ELF1: variants seen among roughly 807,000 people sequenced by gnomAD.
The protein encoded by ELF1 is ETS-related transcription factor Elf-1.
A neutral mutation model predicts 59.9 loss-of-function variants in ELF1; 24 were observed. The ratio of observed to expected loss-of-function variants is 0.40; its 90% CI spans 0.29 to 0.56. The LOEUF is 0.56. Among genes scored for constraint, ELF1 ranks in the 20% least tolerant of loss-of-function variants. ELF1 has a pLI of 0.44. For missense variants in ELF1, 627 were observed against 742.2 expected, an observed-to-expected ratio of 0.84 and a Z score of 1.80; for synonymous variants, 248 against 266.2, an observed-to-expected ratio of 0.93 and a Z score of 0.67.
At chr13:40,999,594 G>A (rs1359608284) in intron 1 of ELF1, among the ~76,000 whole-genome samples, 4 of 152,114 alleles carry the variant, frequency 2.6e-5, no homozygotes, top group Admixed American at 1.3e-4. Context: ...GATGGTGGTC[G>A]ATGACTATAA....
At chr13:40,987,028 C>T (rs913393898) in intron 1 of ELF1, among the ~76,000 whole-genome samples, 8 of 148,922 alleles carry the variant, frequency 5.4e-5, no homozygotes, top group Admixed American at 2.0e-4. Context: ...CTCCGCCTCC[C>T]GGGTTCACGC....
chr13:40,963,920 A>G (rs1872012705), intron 2 of ELF1, among the ~76,000 whole-genome samples: 1 of 152,130 alleles, frequency 6.6e-6, no homozygotes, highest in South Asian at 2.1e-4. Context: ...AGAAAAAAAA[A>G]AAGAAAGACT....
At chr13:40,978,836 C>T (rs1290891234) in intron 2 of ELF1, among the ~76,000 whole-genome samples, 1 of 150,648 alleles carries the variant, frequency 6.6e-6, no homozygotes, top group African/African-American at 2.4e-5. Flanking sequence ...TTGGGAAATA[C>T]ACTATTAGTA....
chr13:41,008,813 T>C (rs1303441897), intron 1 of ELF1, among the ~76,000 whole-genome samples: 1 of 152,184 alleles, frequency 6.6e-6, no homozygotes, highest in African/African-American at 2.4e-5. Flanking sequence ...TTCTTCATAT[T>C]CTTCAACAAA....
intron 1 of ELF1, among the ~76,000 whole-genome samples, chr13:41,017,631 G>T (rs1284979732): frequency 6.6e-6 from 1 of 151,794 alleles, no homozygotes; most frequent in Admixed American, 6.6e-5. Context: ...TCTCTATCAC[G>T]TAAGAAAATA....
intron 3 of ELF1, among the ~76,000 whole-genome samples, chr13:40,953,850 G>C (rs1005103982): frequency 6.6e-6 from 1 of 152,184 alleles, no homozygotes; most frequent in African/African-American, 2.4e-5. Context: ...TAAGTTGGGA[G>C]GTAAGGCAAA....
At chr13:40,966,812 C>A (rs1376502556) in intron 2 of ELF1, among the ~76,000 whole-genome samples, 2 of 152,206 alleles carry the variant, frequency 1.3e-5, no homozygotes, top group Admixed American at 1.3e-4. Context: ...GAAATACCTA[C>A]AAAATATTTT....
chr13:41,014,993 G>A (rs770559975), intron 1 of ELF1, among the ~76,000 whole-genome samples: 3 of 151,870 alleles, frequency 2.0e-5, no homozygotes, highest in Non-Finnish European at 2.9e-5. Context: ...AGTCACCCCT[G>A]CCCTCCCCCC....
At chr13:40,970,215 T>G (rs1872442904) in intron 2 of ELF1, among the ~76,000 whole-genome samples, 1 of 152,146 alleles carries the variant, frequency 6.6e-6, no homozygotes. Flanking sequence ...AAAAGACAAA[T>G]TATCCTCTAG....
chr13:40,999,157 A>C (rs1016625259), intron 1 of ELF1, among the ~76,000 whole-genome samples: 3 of 152,250 alleles, frequency 2.0e-5, no homozygotes, highest in African/African-American at 7.2e-5. Flanking sequence ...AGCACTGTGG[A>C]AAATATAAAG....
At chr13:41,037,525 G>A (rs943092828) in intron 1 of ELF1, among the ~76,000 whole-genome samples, 5 of 152,180 alleles carry the variant, frequency 3.3e-5, no homozygotes, top group Middle Eastern at 3.2e-3. Context: ...GGCTGGGCAC[G>A]GTGGCTCATG....
rs1371327008 is a variant in ELF1 at position 41,053,279 on chromosome 13, G to A, written c.-229+7559C>T. ...TGAGGCATGAGAATTGCTTGAACCC[G>A]GGAGGCAGAGCTTGTAGTGAGCCGA... On this transcript the variant is annotated intron_variant, in intron 1 of 1. Transcript: ENST00000405737. Among the ~76,000 whole-genome samples the A allele has an allele frequency of 5.9e-5, 9 of 152,080 alleles. No homozygotes were observed. The South Asian group carries it at 6.2e-4, about 11-fold the overall frequency.
intron 2 of ELF1, among the ~76,000 whole-genome samples, chr13:40,962,488 G>C (rs1294418072): frequency 6.6e-6 from 1 of 151,820 alleles, no homozygotes; most frequent in Non-Finnish European, 1.5e-5. Flanking sequence ...TTCGAGATCA[G>C]CCTGGCCAAC....
chr13:40,979,357 AT>A (rs1233580562), intron 2 of ELF1, among the ~76,000 whole-genome samples: 6 of 152,192 alleles, frequency 3.9e-5, no homozygotes, highest in Non-Finnish European at 8.8e-5. Context: ...TATTATTTTC[AT>A]CCCCATTTTG....
rs552533025 is a variant in ELF1, at chr13:40,993,396, G to C, written c.-228-11114C>G. 2.6e-5 allele frequency: 21 copies of C among 817,834 alleles called. No individual in the cohort carries two copies. In the South Asian group the frequency reaches 2.9e-4, roughly 11 times the overall value. The allele number at this position is 817,834 out of a possible 1,614,324, so 50.7% of individuals were successfully genotyped here. On this transcript the variant is annotated intron_variant, in intron 1 of 8. Transcript: ENST00000239882. Reference sequence around the variant, plus strand: ...GTGGGCAGTGCACCGATGGGTCTGGGGGGAGCGGGGCTGGGCGGCTCTGTC... The same window carrying C: ...GTGGGCAGTGCACCGATGGGTCTGGCGGGAGCGGGGCTGGGCGGCTCTGTC...
At chr13:40,980,482 A>G (rs913234487) in intron 2 of ELF1, among the ~76,000 whole-genome samples, 1 of 152,226 alleles carries the variant, frequency 6.6e-6, no homozygotes, top group Non-Finnish European at 1.5e-5. Context: ...AGTATATCAT[A>G]CATAGTAAGT....
chr13:41,016,095 A>T (rs1039579529), intron 1 of ELF1, among the ~76,000 whole-genome samples: 1 of 152,142 alleles, frequency 6.6e-6, no homozygotes, highest in Admixed American at 6.5e-5. Flanking sequence ...GGCAATCTGA[A>T]TCTGAATTTA....
chr13:41,001,588 G>C (rs1272934656), intron 1 of ELF1, among the ~76,000 whole-genome samples: 2 of 152,322 alleles, frequency 1.3e-5, no homozygotes, highest in East Asian at 1.9e-4. Context: ...TACAACGTGA[G>C]AGACCCTGTT....
chr13:41,004,478 T>C (rs1874634163), intron 1 of ELF1, among the ~76,000 whole-genome samples: 2 of 152,134 alleles, frequency 1.3e-5, no homozygotes. Context: ...ATACAGGATC[T>C]ACCATCAGAA....
Sources: gnomAD v4.1 joint callset for allele counts (sites outside exome capture counted in the v4.1 genomes callset) on GRCh38, gnomAD v4.1.1 for gene constraint, MANE v1.5 for transcripts, NCBI Gene and HGNC (gene_info 2026-07-23, HGNC 2026-07-21) for gene names.